GPC6: variants seen among roughly 807,000 people sequenced by gnomAD.
GPC6 encodes the protein glypican-6.
GPC6 carries 14 observed loss-of-function variants against 55.2 expected under a neutral mutation model. That is an observed-to-expected ratio of 0.25 (90% CI 0.17 to 0.40). The LOEUF is 0.40. Among genes scored for constraint, GPC6 ranks in the 10% least tolerant of loss-of-function variants. GPC6 has a pLI of 1.00. For synonymous variants in GPC6, 278 were observed against 259.6 expected, an observed-to-expected ratio of 1.07 and a Z score of -0.68; for missense variants, 641 against 708.5, an observed-to-expected ratio of 0.90 and a Z score of 1.08.
At chr13:94,131,446 C>A (rs1172655734) in intron 4 of GPC6, among the ~76,000 whole-genome samples, 1 of 152,106 alleles carries the variant, frequency 6.6e-6, no homozygotes, top group South Asian at 2.1e-4. Context: ...AAACCACATT[C>A]TGGGAACATT....
chr13:94,350,293 T>G (rs1026401403), intron 6 of GPC6, among the ~76,000 whole-genome samples: 3 of 152,014 alleles, frequency 2.0e-5, no homozygotes, highest in Non-Finnish European at 4.4e-5. Flanking sequence ...AAAATCTCAG[T>G]GCTCAGTCTG....
At chr13:93,282,205 A>G (rs1231135795) in intron 1 of GPC6, among the ~76,000 whole-genome samples, 4 of 152,200 alleles carry the variant, frequency 2.6e-5, no homozygotes, top group Non-Finnish European at 5.9e-5. Context: ...TTCATAGGAC[A>G]ATCAGAATTT....
intron 4 of GPC6, among the ~76,000 whole-genome samples, chr13:94,122,706 A>G (rs760266542): frequency 2.0e-5 from 3 of 152,120 alleles, no homozygotes; most frequent in Non-Finnish European, 2.9e-5. Flanking sequence ...TAAATCAGCC[A>G]GAAGAGAGCT....
At chr13:94,099,733 A>G (rs372624994) in intron 4 of GPC6, among the ~76,000 whole-genome samples, 1 of 152,148 alleles carries the variant, frequency 6.6e-6, no homozygotes, top group East Asian at 1.9e-4. Flanking sequence ...CCGGGCTCTT[A>G]TGAAAGGGTT....
chr13:93,281,551 C>T (rs780103806), intron 1 of GPC6, among the ~76,000 whole-genome samples: 4 of 152,176 alleles, frequency 2.6e-5, no homozygotes, highest in African/African-American at 4.8e-5. Context: ...CAGTGGCTTA[C>T]ACCTGTAATC....
chr13:94,145,953 T>A (rs1418482823), intron 4 of GPC6, among the ~76,000 whole-genome samples: 1 of 152,176 alleles, frequency 6.6e-6, no homozygotes, highest in African/African-American at 2.4e-5. Context: ...GTGTCTGCAA[T>A]GAAAGAAGTC....
chr13:93,303,762 T>C (rs908719309), intron 1 of GPC6, among the ~76,000 whole-genome samples: 4 of 152,040 alleles, frequency 2.6e-5, no homozygotes, highest in Admixed American at 6.6e-5. Context: ...AGGGTTCAAT[T>C]AGGGTGAGAA....
chr13:93,991,621 T>C (rs1322062486), intron 3 of GPC6, among the ~76,000 whole-genome samples: 2 of 152,144 alleles, frequency 1.3e-5, no homozygotes, highest in Admixed American at 1.3e-4. Context: ...GTGGTAGTCA[T>C]GTTTTAGGGG....
chr13:94,215,672 AC>A (rs1890204795), intron 4 of GPC6, among the ~76,000 whole-genome samples: 1 of 152,136 alleles, frequency 6.6e-6, no homozygotes, highest in African/African-American at 2.4e-5. Flanking sequence ...TACAAAACTA[AC>A]CACCAATTTA....
chr13:94,210,641 G>C (rs1890048759), intron 4 of GPC6, among the ~76,000 whole-genome samples: 1 of 152,160 alleles, frequency 6.6e-6, no homozygotes, highest in Non-Finnish European at 1.5e-5. Context: ...TGTGAGAGCA[G>C]AAATTATTTT....
intron 2 of GPC6, among the ~76,000 whole-genome samples, chr13:93,586,719 G>C (rs1877218010): frequency 6.6e-6 from 1 of 152,024 alleles, no homozygotes; most frequent in Non-Finnish European, 1.5e-5. Flanking sequence ...TAATTTCCAG[G>C]CTGCAAGACT....
intron 6 of GPC6, among the ~76,000 whole-genome samples, chr13:94,380,056 T>G (rs1227227609): frequency 6.6e-6 from 1 of 152,212 alleles, no homozygotes; most frequent in Non-Finnish European, 1.5e-5. Flanking sequence ...ATTCTGCACA[T>G]ACTGAAAGGA....
chr13:94,154,521 A>G (rs1407769072), intron 4 of GPC6: 1 of 152,178 alleles, frequency 6.6e-6, no homozygotes, highest in Non-Finnish European at 1.5e-5. Flanking sequence ...AACTTTGCCA[A>G]CATGTACCAT....
At chr13:93,373,411 A>G (rs1429948740) in intron 1 of GPC6, among the ~76,000 whole-genome samples, 1 of 152,168 alleles carries the variant, frequency 6.6e-6, no homozygotes, top group Non-Finnish European at 1.5e-5. Flanking sequence ...CTAAACTCTA[A>G]ACAGGGATCT....
chr13:94,377,556 G>C (rs916826691), intron 6 of GPC6, among the ~76,000 whole-genome samples: 2 of 149,212 alleles, frequency 1.3e-5, no homozygotes, highest in Admixed American at 6.7e-5. Context: ...ACAGGTGCTG[G>C]AGAGGATGTG....
intron 1 of GPC6, among the ~76,000 whole-genome samples, chr13:93,435,764 G>T (rs1377154500): frequency 1.3e-5 from 2 of 152,178 alleles, no homozygotes; most frequent in Admixed American, 1.3e-4. Context: ...TAGAAGTAAA[G>T]CTATAAAGGC....
intron 4 of GPC6, among the ~76,000 whole-genome samples, chr13:94,256,249 G>A (rs1891501418): frequency 2.0e-5 from 3 of 152,170 alleles, no homozygotes; most frequent in Admixed American, 1.3e-4. Flanking sequence ...TTTAGTTCCT[G>A]TAACAGGGCA....
chr13:93,363,106 C>T (rs1435917483), intron 1 of GPC6, among the ~76,000 whole-genome samples: 4 of 135,388 alleles, frequency 3.0e-5, no homozygotes, highest in African/African-American at 5.7e-5. Flanking sequence ...TTTTTTCTTT[C>T]CTTTTTTTTT....
chr13:93,772,731 C>T (rs990461765), intron 2 of GPC6, among the ~76,000 whole-genome samples: 1 of 151,940 alleles, frequency 6.6e-6, no homozygotes, highest in East Asian at 1.9e-4. Flanking sequence ...GAATGTTGGT[C>T]CTGCACAGGG....
Sources: gnomAD v4.1 joint callset for allele counts (sites outside exome capture counted in the v4.1 genomes callset) on GRCh38, gnomAD v4.1.1 for gene constraint, MANE v1.5 for transcripts, NCBI Gene and HGNC (gene_info 2026-07-23, HGNC 2026-07-21) for gene names.